Variants in STK24 observed in about 807,000 individuals in gnomAD.
STK24 encodes the protein serine/threonine-protein kinase 24.
A neutral mutation model predicts 55.6 loss-of-function variants in STK24; 21 were observed. The ratio of observed to expected loss-of-function variants is 0.38; its 90% CI spans 0.27 to 0.54. The LOEUF (loss-of-function observed/expected upper bound fraction) is 0.54, where lower values mean the gene tolerates loss of function less well. STK24 is among the 20% of genes least tolerant of loss of function. The pLI is 0.79. For synonymous variants in STK24, 200 were observed against 215.2 expected, an observed-to-expected ratio of 0.93 and a Z score of 0.62; for missense variants, 383 against 538.4, an observed-to-expected ratio of 0.71 and a Z score of 2.86.
At chr13:98,494,285 C>T (rs2139329924) in intron 2 of STK24, among the ~76,000 whole-genome samples, 1 of 148,588 alleles carries the variant, frequency 6.7e-6, no homozygotes, top group East Asian at 2.0e-4. Context: ...TGGCGGGCAC[C>T]TGTAGTCCCA....
intron 1 of STK24, among the ~76,000 whole-genome samples, chr13:98,538,856 G>A (rs187172631): frequency 6.6e-6 from 1 of 152,258 alleles, no homozygotes; most frequent in Non-Finnish European, 1.5e-5. Context: ...CCTCGGTGAG[G>A]CCCAAACAGG....
chr13:98,459,422 A>G (rs1305765656), intron 9 of STK24, among the ~76,000 whole-genome samples: 2 of 152,196 alleles, frequency 1.3e-5, no homozygotes, highest in Non-Finnish European at 2.9e-5. Flanking sequence ...TGAACTTGCC[A>G]GGTCAGAGGC....
At chr13:98,555,031 A>AAAAG (rs1555312201) in intron 1 of STK24, among the ~76,000 whole-genome samples, 7,729 of 142,558 alleles carry the variant, frequency 0.054, 273 homozygotes, top group South Asian at 0.11. Context: ...AAAAAAAAAA[A>AAAAG]AAAGAAAGAA....
intron 5 of STK24, among the ~76,000 whole-genome samples, chr13:98,470,672 C>G (rs987140536): frequency 9.2e-5 from 14 of 152,324 alleles, no homozygotes; most frequent in Non-Finnish European, 1.8e-4. Flanking sequence ...ACCCTGAGTT[C>G]TCTGTTACTG....
chr13:98,513,464 GC>G (rs1009528207), intron 2 of STK24, among the ~76,000 whole-genome samples: 18 of 152,134 alleles, frequency 1.2e-4, no homozygotes, highest in African/African-American at 3.9e-4. Flanking sequence ...AGTAGTGGCA[GC>G]CGAAACATCT....
chr13:98,469,287 G>A (rs1326970814), intron 5 of STK24, among the ~76,000 whole-genome samples: 8 of 152,142 alleles, frequency 5.3e-5, no homozygotes, highest in African/African-American at 1.2e-4. Context: ...GGTGGCTCAC[G>A]CCTGTAATCC....
intron 8 of STK24, among the ~76,000 whole-genome samples, 175 bp downstream of exon 8, chr13:98,461,599 A>G (rs1250416563): frequency 6.6e-6 from 1 of 152,118 alleles, no homozygotes; most frequent in East Asian, 1.9e-4. Context: ...TGGTGTGAAC[A>G]CCTGGATCAT....
chr13:98,498,242 T>G (rs773020078), intron 2 of STK24, among the ~76,000 whole-genome samples: 2 of 152,228 alleles, frequency 1.3e-5, no homozygotes, highest in Non-Finnish European at 2.9e-5. Context: ...CCAACATCTT[T>G]GAAAAACTGA....
chr13:98,453,407 A>C, intron 10 of STK24, 198 bp from the exon 11 acceptor site: 1 of 584,816 alleles, frequency 1.7e-6, no homozygotes, highest in Non-Finnish European at 2.9e-6. Context: ...TTACACAAAA[A>C]CTCCAGAGCA....
chr13:98,491,129 C>T (rs547919857), intron 2 of STK24, among the ~76,000 whole-genome samples: 172 of 152,272 alleles, frequency 1.1e-3, no homozygotes, highest in African/African-American at 4.0e-3. Context: ...CACCACGTTC[C>T]CGTGAGCTGG....
intron 10 of STK24, chr13:98,455,275 C>G (rs936944769): frequency 3.3e-5 from 5 of 152,174 alleles, no homozygotes; most frequent in African/African-American, 1.2e-4. Context: ...GAGACAGGTT[C>G]TCACTCTGTT....
chr13:98,506,572 C>T (rs1895687388), intron 2 of STK24, among the ~76,000 whole-genome samples: 1 of 152,194 alleles, frequency 6.6e-6, no homozygotes, highest in African/African-American at 2.4e-5. Flanking sequence ...CGAAGCAGCT[C>T]CTCCGTTATC....
intron 2 of STK24, among the ~76,000 whole-genome samples, chr13:98,500,688 C>T (rs1050804742): frequency 1.3e-5 from 2 of 150,118 alleles, no homozygotes; most frequent in African/African-American, 4.9e-5. Context: ...CATGCCTCCT[C>T]CCACACCTCG....
Position 98,467,397 on chromosome 13 carries a change from G to A in STK24, c.598-836C>T, listed in dbSNP as rs566380990. 2.6e-5 allele frequency among the ~76,000 whole-genome samples: 4 copies of A among 152,158 alleles called. No homozygotes were observed. In the East Asian group the frequency reaches 7.7e-4, roughly 29 times the overall value. Reference sequence around the variant, plus strand: ...TCCTTAATGTCATGTATAATTAAATGTTCTCAGCTGTTCAAAAACTGTCAT... The same window carrying A: ...TCCTTAATGTCATGTATAATTAAATATTCTCAGCTGTTCAAAAACTGTCAT... On this transcript the variant is annotated intron_variant, in intron 5 of 10. Coordinates refer to ENST00000539966, the MANE Select transcript of STK24 (RefSeq NM_001032296.4).
chr13:98,554,956 A>G (rs1897246611), intron 1 of STK24, among the ~76,000 whole-genome samples: 1 of 145,024 alleles, frequency 6.9e-6, no homozygotes. Context: ...TGGAGGTTGC[A>G]GTGAGCTGAG....
At position 98,461,745 on chromosome 13, in the gene STK24, C is replaced by G. The variant is rs185799292; in HGVS notation, c.1053+29G>C. 2.9e-5 allele frequency: 47 copies of G among 1,609,406 alleles called. No homozygotes were observed. In the Admixed American group the frequency reaches 3.3e-4, roughly 11 times the overall value. Reference sequence around the variant, plus strand: ...CCAAAACACTGCAGACTGAGGTCAGCGTGGCCATTCTGGAGTGAGCAGACG... The same window carrying G: ...CCAAAACACTGCAGACTGAGGTCAGGGTGGCCATTCTGGAGTGAGCAGACG... On this transcript the variant is annotated intron_variant, in intron 8 of 10. Coordinates refer to ENST00000539966, the MANE Select transcript of STK24 (RefSeq NM_001032296.4).
intron 7 of STK24, 131 bp from the exon 8 acceptor site, chr13:98,462,028 AC>A: frequency 1.8e-6 from 2 of 1,100,800 alleles, no homozygotes; most frequent in South Asian, 1.5e-5. Flanking sequence ...CACCCATCAC[AC>A]CCTTGTCCAG....
intron 2 of STK24, among the ~76,000 whole-genome samples, chr13:98,516,538 G>C (rs78145812): frequency 3.3e-5 from 5 of 152,142 alleles, no homozygotes; most frequent in Non-Finnish European, 7.4e-5. Flanking sequence ...GCCTCTCCTG[G>C]GTCAGGTGTG....
chr13:98,543,507 A>C (rs1304310993), intron 1 of STK24, among the ~76,000 whole-genome samples: 6 of 152,238 alleles, frequency 3.9e-5, no homozygotes, highest in African/African-American at 1.4e-4. Flanking sequence ...ACGAAAGGTC[A>C]AACAGCTGGT....
Sources: allele counts gnomAD v4.1 joint callset (sites outside exome capture counted in the v4.1 genomes callset), GRCh38; gene constraint gnomAD v4.1.1; transcripts MANE v1.5; gene names NCBI Gene and HGNC (gene_info 2026-07-23, HGNC 2026-07-21).